Variants in PDE4D observed in about 807,000 individuals in gnomAD.
PDE4D encodes 3',5'-cyclic-AMP phosphodiesterase 4D.
A neutral mutation model predicts 87.4 loss-of-function variants in PDE4D; 24 were observed. That is an observed-to-expected ratio of 0.27 (90% CI 0.20 to 0.39). PDE4D has a LOEUF of 0.39. Ranked by LOEUF, PDE4D falls within the 10% of genes least tolerant of loss-of-function variation. The probability of loss-of-function intolerance (pLI) is 1.00; values close to 1 mark genes in which losing one functional copy is unlikely to be tolerated. For synonymous variants in PDE4D, 384 were observed against 383.2 expected (o/e 1.00, Z -0.02); for missense variants, 714 against 1,041.0 (o/e 0.69, Z 4.32).
At chr5:60,353,114 C>G (rs1759339021) in intron 1 of PDE4D, among the ~76,000 whole-genome samples, 1 of 152,128 alleles carries the variant, frequency 6.6e-6, no homozygotes. Context: ...CAAGCAACAC[C>G]ACAGAAATGG....
At chr5:59,043,138 C>T (rs945938995) in intron 5 of PDE4D, among the ~76,000 whole-genome samples, 8 of 152,036 alleles carry the variant, frequency 5.3e-5, no homozygotes, top group Admixed American at 3.9e-4. Context: ...CCTAGATAGA[C>T]CTATTGGTAT....
At chr5:59,085,523 G>C (rs1017346748) in intron 5 of PDE4D, among the ~76,000 whole-genome samples, 1 of 152,032 alleles carries the variant, frequency 6.6e-6, no homozygotes, top group Non-Finnish European at 1.5e-5. Context: ...TTATATCCAG[G>C]TTGTTCATGG....
chr5:60,224,487 G>T (rs879768500), intron 1 of PDE4D, among the ~76,000 whole-genome samples: 1 of 152,064 alleles, frequency 6.6e-6, no homozygotes, highest in Admixed American at 6.6e-5. Context: ...GGCTGAACTG[G>T]TTTGGAAATC....
chr5:59,821,874 C>T (rs543936488), intron 1 of PDE4D, among the ~76,000 whole-genome samples: 10 of 152,272 alleles, frequency 6.6e-5, no homozygotes, highest in African/African-American at 2.4e-4. Context: ...AAGCTGGTAC[C>T]AGCTAACGCC....
intron 1 of PDE4D, among the ~76,000 whole-genome samples, chr5:59,779,148 C>G (rs1232552887): frequency 6.6e-6 from 1 of 151,062 alleles, no homozygotes; most frequent in Non-Finnish European, 1.5e-5. Flanking sequence ...GGCAACAGAG[C>G]AAGACTCTGT....
intron 1 of PDE4D, among the ~76,000 whole-genome samples, chr5:59,319,103 C>A (rs1476857573): frequency 6.6e-6 from 1 of 151,628 alleles, no homozygotes; most frequent in African/African-American, 2.4e-5. Flanking sequence ...CATCATAGAG[C>A]TGTGTGCAGT....
chr5:59,093,998 T>C (rs943262083), intron 5 of PDE4D, among the ~76,000 whole-genome samples: 5 of 151,712 alleles, frequency 3.3e-5, no homozygotes, highest in East Asian at 1.9e-4. Context: ...GGTGGGCGGA[T>C]CATGAGGTCA....
chr5:59,408,248 C>T (rs750766587), intron 1 of PDE4D, among the ~76,000 whole-genome samples: 9 of 152,178 alleles, frequency 5.9e-5, no homozygotes, highest in Non-Finnish European at 1.3e-4. Flanking sequence ...CCAGTCCAGC[C>T]GTGGCTCAAA....
At chr5:59,019,101 T>G (rs1358044748) in intron 6 of PDE4D, among the ~76,000 whole-genome samples, 1 of 152,166 alleles carries the variant, frequency 6.6e-6, no homozygotes, top group Non-Finnish European at 1.5e-5. Flanking sequence ...CTCTTCATGA[T>G]TTTCCAACTA....
intron 5 of PDE4D, among the ~76,000 whole-genome samples, chr5:59,178,992 G>A (rs893846328): frequency 3.9e-5 from 6 of 152,038 alleles, no homozygotes; most frequent in African/African-American, 4.8e-5. Flanking sequence ...AGAGGGATCC[G>A]GTTCCACACC....
At chr5:59,477,683 G>A (rs1803534330) in intron 1 of PDE4D, among the ~76,000 whole-genome samples, 1 of 152,168 alleles carries the variant, frequency 6.6e-6, no homozygotes, top group South Asian at 2.1e-4. Context: ...ATTCAACCTA[G>A]CAATCCCATT....
chr5:60,520,886 G>GGAAA (rs1263531396), intron 1 of PDE4D: 1 of 152,570 alleles, frequency 6.6e-6, no homozygotes, highest in African/African-American at 2.4e-5. Flanking sequence ...AGACATGCCA[G>GGAAA]GAAAGACAGG....
At chr5:60,377,920 T>C (rs1377185052) in intron 1 of PDE4D, among the ~76,000 whole-genome samples, 2 of 152,230 alleles carry the variant, frequency 1.3e-5, no homozygotes, top group African/African-American at 2.4e-5. Context: ...CATAGGTCTT[T>C]TCTACACATA....
chr5:59,075,877 T>C (rs967872175), intron 5 of PDE4D, among the ~76,000 whole-genome samples: 1 of 152,164 alleles, frequency 6.6e-6, no homozygotes, highest in African/African-American at 2.4e-5. Context: ...TATCTTTTCC[T>C]ATGCAATTTA....
At chr5:59,847,835 C>T (rs1049455829) in intron 1 of PDE4D, among the ~76,000 whole-genome samples, 1 of 152,112 alleles carries the variant, frequency 6.6e-6, no homozygotes, top group African/African-American at 2.4e-5. Context: ...GCCAATTCCT[C>T]TGCTCCAAAA....
At chr5:60,026,966 G>T (rs1766693560) in intron 2 of PDE4D, among the ~76,000 whole-genome samples, 1 of 152,132 alleles carries the variant, frequency 6.6e-6, no homozygotes, top group Admixed American at 6.5e-5. Context: ...TTGTCCCAAA[G>T]TATAACTGTA....
intron 6 of PDE4D, among the ~76,000 whole-genome samples, chr5:58,995,077 C>T (rs142015646): frequency 1.1e-3 from 174 of 152,044 alleles, no homozygotes; most frequent in African/African-American, 3.8e-3. Flanking sequence ...AAAGAACTGG[C>T]ATGACCAGTA....
At chr5:59,042,485 T>A (rs74712817) in intron 5 of PDE4D, among the ~76,000 whole-genome samples, 339 of 152,284 alleles carry the variant, frequency 2.2e-3, no homozygotes, top group African/African-American at 7.8e-3. Flanking sequence ...CATTCATTAA[T>A]AAAATACTTC....
chr5:59,413,601 C>T (rs372550235), intron 1 of PDE4D, among the ~76,000 whole-genome samples: 22 of 152,182 alleles, frequency 1.4e-4, no homozygotes, highest in East Asian at 1.2e-3. Flanking sequence ...GGTACAATTG[C>T]ATGTAGATAA....
Sources: allele counts gnomAD v4.1 joint callset (sites outside exome capture counted in the v4.1 genomes callset), GRCh38; gene constraint gnomAD v4.1.1; transcripts MANE v1.5; gene names NCBI Gene and HGNC (gene_info 2026-07-23, HGNC 2026-07-21).